The following SMCHD1 variants were observed in gnomAD, a reference collection of about 807,000 sequenced individuals.
SMCHD1 encodes structural maintenance of chromosomes flexible hinge domain-containing protein 1.
Under a neutral mutation model 254.7 loss-of-function variants are expected in SMCHD1, and 78 were observed. That is an observed-to-expected ratio of 0.31 (90% confidence interval 0.26 to 0.37). SMCHD1 has a LOEUF of 0.37. Ranked by LOEUF, SMCHD1 falls within the 10% of genes least tolerant of loss-of-function variation. The pLI, the probability that SMCHD1 is intolerant of heterozygous loss-of-function variation, is 1.00. For synonymous variants in SMCHD1, 766 were observed against 794.9 expected, an observed-to-expected ratio of 0.96 and a Z score of 0.61; for missense variants, 1,840 against 2,408.1, an observed-to-expected ratio of 0.76 and a Z score of 4.94.
intron 24 of SMCHD1, among the ~76,000 whole-genome samples, chr18:2,730,684 G>A (rs117672444): frequency 6.6e-6 from 1 of 152,124 alleles, no homozygotes; most frequent in African/African-American, 2.4e-5. Context: ...AATTGATATG[G>A]TGATAGATAA....
At position 2,750,507 on chromosome 18, in the gene SMCHD1, G is replaced by C. The variant is rs1416552666; in HGVS notation, c.4165G>C (p.Asp1389His). ...ASFLAGGLFT[D>H]FMISVISEDD... ...CTTCTTAGCAGGGGGTCTTTTCACT[G>C]GTGAGTATTTCACATACATAAATAA... Residue 1389 changes from aspartate (D) to histidine (H), a missense_variant and splice_region_variant, in exon 32 of 48, where the codon GAT becomes CAT. By Grantham distance (81) the Asp-to-His change is moderately conservative (BLOSUM62 -1). Transcript: ENST00000320876. The C allele has an allele frequency of 6.3e-7, 1 of 1,591,900 alleles. No homozygotes were observed. Among genetic ancestry groups the C allele is most frequent in the Non-Finnish European group, 8.6e-7 (1 of 1,168,002 alleles).
Position 2,733,532 on chromosome 18 carries a change from A to C in SMCHD1, c.3276+1040A>C, listed in dbSNP as rs561528970. Reference sequence around the variant, plus strand: ...GTGGATGAGCGTGGCTCATTAACACATAGTCAACTGAGGTGACTGATAGGT... The same window carrying C: ...GTGGATGAGCGTGGCTCATTAACACCTAGTCAACTGAGGTGACTGATAGGT... On this transcript the variant is annotated intron_variant, in intron 25 of 47. Transcript: ENST00000320876. Among the ~76,000 whole-genome samples the C allele has an allele frequency of 6.9e-4, 105 of 152,180 alleles. 2 individuals carry two copies. Among genetic ancestry groups the C allele is most frequent in the Non-Finnish European group, 2.9e-4 (20 of 68,040 alleles).
In SMCHD1 at chr18:2,655,985, G is replaced by A. The variant is rs1568046319; in HGVS notation, c.-91G>A. The A allele has an allele frequency of 1.8e-6, 2 of 1,107,472 alleles. No individual in the cohort carries two copies. Among genetic ancestry groups the A allele is most frequent in the Non-Finnish European group, 2.3e-6 (2 of 872,802 alleles). The allele number at this position is 1,107,472 out of a possible 1,614,324, so 68.6% of individuals were successfully genotyped here. A position where few individuals can be genotyped will look rare whatever the true frequency, so the allele number is the denominator to read the frequency against. On this transcript the variant is annotated 5_prime_UTR_variant, in exon 1 of 48. Coordinates refer to ENST00000320876, the MANE Select transcript of SMCHD1 (RefSeq NM_015295.3). ...GGGCCGAGGCCTCGAGCCGCCCCGG[G>A]AGCTGGAGCTGAAGGCGCCGCGCGG...
intron 5 of SMCHD1, among the ~76,000 whole-genome samples, chr18:2,675,188 T>C (rs1435158954): frequency 1.3e-5 from 2 of 152,068 alleles, no homozygotes; most frequent in Non-Finnish European, 2.9e-5. Flanking sequence ...GAGCCTCGCA[T>C]ATGGTAAACA....
intron 8 of SMCHD1, among the ~76,000 whole-genome samples, chr18:2,696,604 T>C (rs7234549): frequency 0.41 from 61,629 of 152,068 alleles, 13,094 homozygotes; most frequent in South Asian, 0.6. Context: ...TATTCTCTTA[T>C]TGAGATTAGA....
At chr18:2,678,914 C>T (rs142109978) in intron 5 of SMCHD1, among the ~76,000 whole-genome samples, 3 of 148,988 alleles carry the variant, frequency 2.0e-5, no homozygotes, top group African/African-American at 7.5e-5. Flanking sequence ...GTAGTGCAAT[C>T]TCAGCTCGCT....
chr18:2,760,784 T>G, intron 35 of SMCHD1, 45 bp downstream of exon 35: 1 of 1,108,464 alleles, frequency 9.0e-7, no homozygotes. Context: ...TTACATTTTC[T>G]TTTTTTTTCC....
intron 25 of SMCHD1, among the ~76,000 whole-genome samples, chr18:2,736,718 A>C (rs1181672569): frequency 1.3e-5 from 2 of 152,242 alleles, no homozygotes; most frequent in East Asian, 3.8e-4. Context: ...CACACCAGTC[A>C]GAATGTCTAT....
At chr18:2,721,081 CCTT>C (rs1598364779) in intron 19 of SMCHD1, among the ~76,000 whole-genome samples, 1 of 152,162 alleles carries the variant, frequency 6.6e-6, no homozygotes, top group Non-Finnish European at 1.5e-5. Context: ...CTTCAGCCAA[CCTT>C]CTTGTTTTAT....
intron 5 of SMCHD1, among the ~76,000 whole-genome samples, chr18:2,683,460 T>C (rs2073974372): frequency 6.6e-6 from 1 of 152,212 alleles, no homozygotes; most frequent in Non-Finnish European, 1.5e-5. Context: ...ATTTCAAGTG[T>C]AATTTCGTGA....
chr18:2,672,828 A>G (rs933754524), intron 3 of SMCHD1, among the ~76,000 whole-genome samples: 1 of 152,234 alleles, frequency 6.6e-6, no homozygotes, highest in Non-Finnish European at 1.5e-5. Flanking sequence ...TTCAAGAGAC[A>G]CTTATCTTGC....
chr18:2,770,577 C>T (rs779430714), intron 39 of SMCHD1, among the ~76,000 whole-genome samples: 1 of 151,850 alleles, frequency 6.6e-6, no homozygotes, highest in African/African-American at 2.4e-5. Context: ...ATTCTTGAGT[C>T]AATTCACAGA....
At position 2,754,398 on chromosome 18, in the gene SMCHD1, C is replaced by T. The variant is rs1226570999; in HGVS notation, c.4346+1846C>T. On this transcript the variant is annotated intron_variant, in intron 34 of 47. Transcript: ENST00000320876. ...AAAGTGAAATGAGCAAGGTAAAAAG[C>T]TCATGGGGTGATGTCCAAGGGAAAG... Among the ~76,000 whole-genome samples, 8 of 152,258 alleles carry T rather than the reference C, an allele frequency of 5.3e-5. No homozygotes were observed. The East Asian group carries it at 1.5e-3, about 29-fold the overall frequency.
intron 34 of SMCHD1, among the ~76,000 whole-genome samples, chr18:2,755,447 C>T (rs2075654794): frequency 1.3e-5 from 2 of 151,964 alleles, no homozygotes; most frequent in African/African-American, 2.4e-5. Flanking sequence ...AGATGTGAGC[C>T]ACCACTCCTG....
In SMCHD1 at chr18:2,796,029, C is replaced by T. The variant is rs755669572; in HGVS notation, c.5800C>T (p.Arg1934Cys). Reference protein sequence around the residue: ...KDLNSQLEYLRTPDMRKKKQE... With the variant: ...KDLNSQLEYLCTPDMRKKKQE... ...TCTTAACAGTCAATTAGAGTACCTTCGCACTCCGGATATGAGGAAGAAAAA... is the reference window on the plus strand; with the variant it reads ...TCTTAACAGTCAATTAGAGTACCTTTGCACTCCGGATATGAGGAAGAAAAA... Residue 1934 changes from arginine (R) to cysteine (C), a missense_variant, in exon 46 of 48, where the codon CGC (arginine) becomes TGC (cysteine). Coordinates refer to ENST00000320876, the MANE Select transcript of SMCHD1 (RefSeq NM_015295.3). 37 of 1,592,490 alleles carry T rather than the reference C, an allele frequency of 2.3e-5. No homozygotes were observed. The East Asian group carries it at 3.8e-4, about 17-fold the overall frequency.
chr18:2,754,313 C>T (rs1311288439), intron 34 of SMCHD1, among the ~76,000 whole-genome samples: 1 of 152,138 alleles, frequency 6.6e-6, no homozygotes, highest in Non-Finnish European at 1.5e-5. Context: ...ACCAGGAGGA[C>T]TCACAGGACT....
intron 1 of SMCHD1, among the ~76,000 whole-genome samples, chr18:2,658,335 AAC>A (rs1273523677): frequency 6.6e-6 from 1 of 152,216 alleles, no homozygotes; most frequent in Non-Finnish European, 1.5e-5. Flanking sequence ...CAGAAGTATA[AAC>A]ACAGTCGTGG....
chr18:2,660,630 T>C (rs1300862790), intron 1 of SMCHD1, among the ~76,000 whole-genome samples: 2 of 152,032 alleles, frequency 1.3e-5, no homozygotes, highest in African/African-American at 4.8e-5. Flanking sequence ...CCAGCCGTCA[T>C]GCCCGGCTAA....
intron 47 of SMCHD1, among the ~76,000 whole-genome samples, chr18:2,801,699 ATATT>A (rs1373149596): frequency 1.3e-5 from 2 of 152,264 alleles, no homozygotes; most frequent in African/African-American, 4.8e-5. Context: ...TACTGAATAT[ATATT>A]TGTTACTGCT....
Sources: allele counts gnomAD v4.1 joint callset (sites outside exome capture counted in the v4.1 genomes callset), GRCh38; gene constraint gnomAD v4.1.1; transcripts MANE v1.5; gene names NCBI Gene and HGNC (gene_info 2026-07-23, HGNC 2026-07-21).